Variants in MAPK4 observed in about 807,000 individuals in gnomAD.
MAPK4 encodes mitogen-activated protein kinase 4, also known as Erk3-related.
In MAPK4, 22 loss-of-function variants were observed where a neutral mutation model predicts 47.7. That is an observed-to-expected ratio of 0.46 (90% CI 0.33 to 0.66). The LOEUF (loss-of-function observed/expected upper bound fraction) is 0.66, where lower values mean the gene tolerates loss of function less well. Among genes scored for constraint, MAPK4 ranks in the 30% least tolerant of loss-of-function variants. The pLI, the probability that MAPK4 is intolerant of heterozygous loss-of-function variation, is 0.02. For synonymous variants in MAPK4, 390 were observed against 365.7 expected (o/e 1.07, Z -0.76); for missense variants, 736 against 831.7 (o/e 0.88, Z 1.42).
chr18:50,678,630 CT>C lies in MAPK4; in HGVS notation c.546+14133del, dbSNP rs1311467352. ...CACAGTCACTTTGGGAAGAATACAG[CT>C]TTTTTTCCCTCCCTTTTTCAATAAT... is the stretch of plus-strand genomic sequence containing the variant. On this transcript the variant is annotated intron_variant, in intron 2 of 5. Transcript: ENST00000400384. The surrounding 1 kb of genome is among the most constrained non-coding windows in gnomAD (Gnocchi z 4.2). Among the ~76,000 whole-genome samples, 1 of 152,186 alleles carries C rather than the reference CT, an allele frequency of 6.6e-6. No homozygotes were observed. Among genetic ancestry groups the C allele is most frequent in the Non-Finnish European group, 1.5e-5 (1 of 68,030 alleles).
intron 1 of MAPK4, among the ~76,000 whole-genome samples, chr18:50,571,467 G>T (rs1204901642): frequency 6.6e-6 from 1 of 152,138 alleles, no homozygotes; most frequent in East Asian, 1.9e-4. Flanking sequence ...AGGCAGAATG[G>T]CCAGAAAGCC....
At chr18:50,582,960 A>G (rs1598795834) in intron 1 of MAPK4, among the ~76,000 whole-genome samples, 1 of 152,222 alleles carries the variant, frequency 6.6e-6, no homozygotes, top group East Asian at 1.9e-4. Context: ...GTGGAGGCAT[A>G]TTACAGCTCT....
chr18:50,578,150 G>A (rs183994921), intron 1 of MAPK4, among the ~76,000 whole-genome samples: 24 of 152,282 alleles, frequency 1.6e-4, no homozygotes, highest in Admixed American at 1.1e-3. Flanking sequence ...TAAGGGGAGG[G>A]GCTGTATTTC....
At chr18:50,656,029 A>C (rs3911592) in intron 1 of MAPK4, among the ~76,000 whole-genome samples, 1 of 151,872 alleles carries the variant, frequency 6.6e-6, no homozygotes, top group Admixed American at 6.5e-5. Context: ...CCAGAATTCT[A>C]TCTGACTCTG....
At position 50,564,814 on chromosome 18, in the gene MAPK4, G is replaced by C. The variant is rs2042184886; in HGVS notation, c.-871+4571G>C. Among the ~76,000 whole-genome samples the C allele has an allele frequency of 3.3e-5, 5 of 152,296 alleles. No homozygotes were observed. The South Asian group carries it at 1.0e-3, about 32-fold the overall frequency. On this transcript the variant is annotated intron_variant, in intron 1 of 5. Transcript: ENST00000400384. ...ACAAGATCATCCCCGCCTGCTGCTTGGGCAGTGCCTGGTAACCACCAGTCG... is the reference window on the plus strand; with the variant it reads ...ACAAGATCATCCCCGCCTGCTGCTTCGGCAGTGCCTGGTAACCACCAGTCG...
chr18:50,705,085 C>T (rs536054094), intron 2 of MAPK4: 6 of 272,316 alleles, frequency 2.2e-5, no homozygotes, highest in South Asian at 1.7e-4. Flanking sequence ...AATAGAAAAC[C>T]GGACCCATAC....
chr18:50,562,499 C>T (rs2042162700), intron 1 of MAPK4, among the ~76,000 whole-genome samples: 1 of 151,706 alleles, frequency 6.6e-6, no homozygotes, highest in Admixed American at 6.6e-5. Context: ...AAGACAGGGC[C>T]AGCTGAACCT....
intron 1 of MAPK4, among the ~76,000 whole-genome samples, chr18:50,598,888 A>G (rs1192197450): frequency 1.3e-5 from 2 of 152,168 alleles, no homozygotes; most frequent in African/African-American, 4.8e-5. Context: ...TGGGGGAAGA[A>G]ACAACACAGA....
At chr18:50,618,388 A>G (rs1252714339) in intron 1 of MAPK4, among the ~76,000 whole-genome samples, 1 of 152,190 alleles carries the variant, frequency 6.6e-6, no homozygotes. Context: ...ATACCCCCAA[A>G]TAATAGTTTG....
intron 2 of MAPK4, among the ~76,000 whole-genome samples, chr18:50,706,713 T>C (rs1038779876): frequency 1.3e-5 from 2 of 152,182 alleles, no homozygotes; most frequent in Non-Finnish European, 2.9e-5. Flanking sequence ...AGGATGCTAA[T>C]GCCCCACAGA....
At chr18:50,611,268 C>T (rs2042630757) in intron 1 of MAPK4, among the ~76,000 whole-genome samples, 1 of 152,190 alleles carries the variant, frequency 6.6e-6, no homozygotes. Flanking sequence ...ACCATTTCTC[C>T]AAAAGTATGT....
At chr18:50,606,764 G>A (rs1232028052) in intron 1 of MAPK4, among the ~76,000 whole-genome samples, 1 of 152,206 alleles carries the variant, frequency 6.6e-6, no homozygotes, top group Non-Finnish European at 1.5e-5. Flanking sequence ...GTGCAATGGG[G>A]CAGGCATAGC....
intron 1 of MAPK4, among the ~76,000 whole-genome samples, chr18:50,581,864 C>G (rs1431326506): frequency 6.6e-6 from 1 of 152,164 alleles, no homozygotes; most frequent in East Asian, 1.9e-4. Context: ...TCACAGAGCT[C>G]ACAGGCAAAT....
chr18:50,693,595 C>T (rs549493178), intron 2 of MAPK4, among the ~76,000 whole-genome samples: 11 of 152,272 alleles, frequency 7.2e-5, no homozygotes, highest in African/African-American at 2.2e-4. Context: ...CGAATCTTGA[C>T]CCTGTAAAAG....
At chr18:50,648,881 CATTGCTGACAACTCAA>C (rs960358270) in intron 1 of MAPK4, among the ~76,000 whole-genome samples, 2 of 152,194 alleles carry the variant, frequency 1.3e-5, no homozygotes, top group African/African-American at 4.8e-5. Flanking sequence ...TCCCAGCCAC[CATTGCTGACAACTCAA>C]AGGAAGGTAG....
intron 1 of MAPK4, among the ~76,000 whole-genome samples, chr18:50,633,019 A>G (rs1008548510): frequency 1.3e-5 from 2 of 152,062 alleles, no homozygotes; most frequent in African/African-American, 2.4e-5. Context: ...TGATGGAGTA[A>G]TTTACTAAAA....
At chr18:50,609,862 A>G (rs896958224) in intron 1 of MAPK4, among the ~76,000 whole-genome samples, 2 of 152,168 alleles carry the variant, frequency 1.3e-5, no homozygotes, top group Non-Finnish European at 2.9e-5. Flanking sequence ...AGACAGAAAA[A>G]TTAAGATCTT....
At chr18:50,642,847 C>T (rs1341488855) in intron 1 of MAPK4, among the ~76,000 whole-genome samples, 1 of 152,182 alleles carries the variant, frequency 6.6e-6, no homozygotes, top group East Asian at 1.9e-4. Flanking sequence ...TCAGGTAATC[C>T]GCCCACCTTG....
rs143094130 is a variant in MAPK4, at chr18:50,584,130, T to C, written c.-871+23887T>C. Among the ~76,000 whole-genome samples, 32 of 152,364 alleles carry C rather than the reference T, an allele frequency of 2.1e-4. 1 individual carries two copies. In the East Asian group the frequency reaches 5.4e-3, roughly 26 times the overall value. On this transcript the variant is annotated intron_variant, in intron 1 of 5. Transcript: ENST00000400384. ...TGGGAGTTCAACTGGGAGAGATTTC[T>C]GGATAAAAACCAATGTGTTTATCGT... is the stretch of plus-strand genomic sequence containing the variant.
Sources: allele counts gnomAD v4.1 joint callset (sites outside exome capture counted in the v4.1 genomes callset), GRCh38; gene constraint gnomAD v4.1.1; non-coding constraint Gnocchi (gnomAD v3.1); transcripts MANE v1.5; gene names NCBI Gene and HGNC (gene_info 2026-07-23, HGNC 2026-07-21).